GRID2: variants seen among roughly 807,000 people sequenced by gnomAD.
GRID2 encodes the protein glutamate ionotropic receptor delta type subunit 2.
In GRID2, 33 loss-of-function variants were observed where a neutral mutation model predicts 114.8. The ratio of observed to expected loss-of-function variants is 0.29; its 90% CI spans 0.22 to 0.38. The LOEUF is 0.38. Among genes scored for constraint, GRID2 ranks in the 10% least tolerant of loss-of-function variants. The probability of loss-of-function intolerance (pLI) is 1.00; values close to 1 mark genes in which losing one functional copy is unlikely to be tolerated. For synonymous variants in GRID2, 505 were observed against 449.9 expected, an observed-to-expected ratio of 1.12 and a Z score of -1.55; for missense variants, 1,184 against 1,257.7, an observed-to-expected ratio of 0.94 and a Z score of 0.89.
At chr4:93,268,642 T>G (rs942362672) in intron 8 of GRID2, among the ~76,000 whole-genome samples, 7 of 152,200 alleles carry the variant, frequency 4.6e-5, no homozygotes, top group Non-Finnish European at 8.8e-5. Flanking sequence ...CTCTTACATG[T>G]TACATTTTAC....
chr4:92,685,146 T>A (rs1033320745), intron 2 of GRID2, among the ~76,000 whole-genome samples: 1 of 152,144 alleles, frequency 6.6e-6, no homozygotes, highest in Non-Finnish European at 1.5e-5. Context: ...TAAAATTTAA[T>A]TTTTCAAATC....
chr4:92,663,671 A>C lies in GRID2; in HGVS notation c.244+73385A>C, dbSNP rs532673542. On this transcript the variant is annotated intron_variant, in intron 2 of 15. Transcript: ENST00000282020. The stretch of plus-strand genomic sequence containing the variant: ...TGGTATAAAATTTGCCATCTTATCT[A>C]TTTTTAAGTGTACAGTTCAGTGGTC... Among the ~76,000 whole-genome samples the C allele has an allele frequency of 5.3e-5, 8 of 151,156 alleles. No homozygotes were observed. In the South Asian group the frequency reaches 1.7e-3, roughly 31 times the overall value.
In GRID2 at chr4:93,184,777, G is replaced by C. The variant is rs186970530; in HGVS notation, c.736-22627G>C. Among the ~76,000 whole-genome samples the C allele has an allele frequency of 8.0e-4, 122 of 152,220 alleles. 2 individuals are homozygous for C. The East Asian group carries it at 0.022, about 27-fold the overall frequency. ...TGTGCCTGTAATCGCAGATACTCAG[G>C]AGGCTGAGACAGGAGAATCACTTGA... On this transcript the variant is annotated intron_variant, in intron 4 of 15. Coordinates refer to ENST00000282020, the MANE Select transcript of GRID2 (RefSeq NM_001510.4).
At chr4:93,679,076 G>A (rs1725230746) in intron 14 of GRID2, among the ~76,000 whole-genome samples, 1 of 151,136 alleles carries the variant, frequency 6.6e-6, no homozygotes, top group Non-Finnish European at 1.5e-5. Context: ...TAAAAGGATG[G>A]AGGAAGATCT....
chr4:92,425,980 C>T (rs1436128903), intron 1 of GRID2, among the ~76,000 whole-genome samples: 1 of 152,060 alleles, frequency 6.6e-6, no homozygotes, highest in Non-Finnish European at 1.5e-5. Flanking sequence ...CTTCCTTAGC[C>T]TCTGAAAGAT....
chr4:92,452,391 C>T (rs1340858853), intron 1 of GRID2, among the ~76,000 whole-genome samples: 1 of 151,122 alleles, frequency 6.6e-6, no homozygotes, highest in Non-Finnish European at 1.5e-5. Flanking sequence ...GATCTTGGCT[C>T]ACTGTAACCT....
At chr4:93,803,635 T>A (rs765355531) in intron 1 of GRID2, among the ~76,000 whole-genome samples, 1 of 151,844 alleles carries the variant, frequency 6.6e-6, no homozygotes, top group Non-Finnish European at 1.5e-5. Flanking sequence ...GGCAGAAGAA[T>A]CGCTTGAACC....
At chr4:93,311,985 G>T (rs1247060872) in intron 8 of GRID2, among the ~76,000 whole-genome samples, 2 of 152,250 alleles carry the variant, frequency 1.3e-5, no homozygotes, top group East Asian at 3.9e-4. Flanking sequence ...TCATAATGTA[G>T]AAATGTGAGA....
chr4:93,208,655 A>G (rs1360163365), intron 5 of GRID2, among the ~76,000 whole-genome samples: 1 of 152,026 alleles, frequency 6.6e-6, no homozygotes, highest in East Asian at 1.9e-4. Context: ...ACTACACTTC[A>G]ATGATGGAAT....
At chr4:93,583,581 A>G (rs1018978167) in intron 13 of GRID2, among the ~76,000 whole-genome samples, 1 of 152,166 alleles carries the variant, frequency 6.6e-6, no homozygotes, top group Admixed American at 6.5e-5. Context: ...GCAAGTAGTT[A>G]TATTATTATA....
chr4:93,733,329 C>T (rs192698366), intron 14 of GRID2, among the ~76,000 whole-genome samples: 2 of 152,254 alleles, frequency 1.3e-5, no homozygotes, highest in Admixed American at 6.5e-5. Flanking sequence ...AGGTTCACAA[C>T]AGAAATTCCT....
chr4:93,586,874 T>C (rs889783896), intron 13 of GRID2, among the ~76,000 whole-genome samples: 1 of 152,158 alleles, frequency 6.6e-6, no homozygotes, highest in Non-Finnish European at 1.5e-5. Context: ...CTTTCTTCTC[T>C]CTTTTTTAAC....
intron 1 of GRID2, among the ~76,000 whole-genome samples, chr4:92,565,415 C>A (rs996896979): frequency 5.3e-5 from 8 of 151,888 alleles, no homozygotes; most frequent in African/African-American, 1.7e-4. Context: ...TATATTCCCA[C>A]TTTATATGAC....
chr4:92,735,571 T>C (rs1280358438), intron 2 of GRID2, among the ~76,000 whole-genome samples: 1 of 152,138 alleles, frequency 6.6e-6, no homozygotes, highest in African/African-American at 2.4e-5. Flanking sequence ...ATAATCTTCT[T>C]TACGTAAAGA....
chr4:93,300,341 C>T (rs1449689940), intron 8 of GRID2, among the ~76,000 whole-genome samples: 4 of 152,000 alleles, frequency 2.6e-5, no homozygotes, highest in Non-Finnish European at 5.9e-5. Flanking sequence ...TAGGGCTGAC[C>T]CCATCAAGGG....
At chr4:92,990,686 CATG>C (rs1425184073) in intron 2 of GRID2, among the ~76,000 whole-genome samples, 1 of 151,612 alleles carries the variant, frequency 6.6e-6, no homozygotes. Flanking sequence ...TACCCTGTAT[CATG>C]ATAATTTGAA....
At chr4:92,943,303 A>T (rs1463763959) in intron 2 of GRID2, among the ~76,000 whole-genome samples, 2 of 151,664 alleles carry the variant, frequency 1.3e-5, no homozygotes, top group East Asian at 3.9e-4. Context: ...TTCTCTTCTC[A>T]CTTCATTTCA....
chr4:92,476,271 C>G (rs1364486027), intron 1 of GRID2, among the ~76,000 whole-genome samples: 1 of 152,076 alleles, frequency 6.6e-6, no homozygotes, highest in African/African-American at 2.4e-5. Flanking sequence ...GTGATCCGCC[C>G]GCCTTGGCTT....
At chr4:93,149,932 G>A (rs1019843341) in intron 4 of GRID2, among the ~76,000 whole-genome samples, 1 of 151,840 alleles carries the variant, frequency 6.6e-6, no homozygotes, top group Non-Finnish European at 1.5e-5. Context: ...CACTGTACCC[G>A]ACCACCAAGA....
Sources: allele counts gnomAD v4.1 joint callset (sites outside exome capture counted in the v4.1 genomes callset), GRCh38; gene constraint gnomAD v4.1.1; transcripts MANE v1.5; gene names NCBI Gene and HGNC (gene_info 2026-07-23, HGNC 2026-07-21).